Variants in RPTOR observed in about 807,000 individuals in gnomAD.
The protein encoded by RPTOR is regulatory associated protein of MTOR complex 1.
RPTOR carries 21 observed loss-of-function variants against 169.9 expected under a neutral mutation model. That is an observed-to-expected ratio of 0.12 (90% CI 0.09 to 0.18). The LOEUF (loss-of-function observed/expected upper bound fraction) is 0.18. Ranked by LOEUF, RPTOR falls within the 10% of genes least tolerant of loss-of-function variation. The pLI is 1.00. For missense variants in RPTOR, 1,133 were observed against 1,855.9 expected (o/e 0.61, Z 7.16); for synonymous variants, 732 against 753.2 (o/e 0.97, Z 0.46).
intron 4 of RPTOR, among the ~76,000 whole-genome samples, chr17:80,718,018 C>T (rs1051333499): frequency 1.1e-4 from 16 of 152,180 alleles, no homozygotes; most frequent in Non-Finnish European, 2.1e-4. Context: ...AAAGGTTTTT[C>T]CCACTTGATA....
intron 7 of RPTOR, among the ~76,000 whole-genome samples, chr17:80,810,656 C>T (rs902127404): frequency 1.3e-5 from 2 of 152,178 alleles, no homozygotes; most frequent in Non-Finnish European, 2.9e-5. Flanking sequence ...ATCAGTTTAT[C>T]AGTTCTAACG....
At chr17:80,964,177 G>A in intron 33 of RPTOR, 85 bp from the exon 34 acceptor site, 1 of 1,126,484 alleles carries the variant, frequency 8.9e-7, no homozygotes, top group Non-Finnish European at 1.3e-6. Context: ...AGCTGCCTAA[G>A]GATGCGGGTT....
chr17:80,858,140 T>C, intron 13 of RPTOR: 1 of 537,198 alleles, frequency 1.9e-6, no homozygotes, highest in Non-Finnish European at 3.4e-6. Context: ...CTGCGCTCAG[T>C]CCCCCCACAC....
chr17:80,610,687 A>G (rs2065264124), intron 1 of RPTOR, among the ~76,000 whole-genome samples: 1 of 152,126 alleles, frequency 6.6e-6, no homozygotes, highest in African/African-American at 2.4e-5. Context: ...GATCTCCACG[A>G]CAGTAGACCC....
chr17:80,710,471 A>G (rs905371093), intron 4 of RPTOR, among the ~76,000 whole-genome samples: 2 of 152,172 alleles, frequency 1.3e-5, no homozygotes, highest in Admixed American at 1.3e-4. Context: ...TTTGTAAAAC[A>G]AAAACAATCA....
At chr17:80,920,366 G>GA (rs2068730571) in intron 21 of RPTOR, among the ~76,000 whole-genome samples, 1 of 152,180 alleles carries the variant, frequency 6.6e-6, no homozygotes, top group Admixed American at 6.5e-5. Flanking sequence ...AATGGGGGTG[G>GA]GGGGGGCTCC....
intron 6 of RPTOR, chr17:80,773,873 C>T (rs1385765920): frequency 1.0e-6 from 1 of 985,230 alleles, no homozygotes; most frequent in Non-Finnish European, 1.2e-6. Context: ...TCAGAGCTCC[C>T]TCAGACGTCG....
intron 33 of RPTOR, among the ~76,000 whole-genome samples, chr17:80,963,258 C>T (rs543667278): frequency 6.6e-6 from 1 of 152,178 alleles, no homozygotes; most frequent in South Asian, 2.1e-4. Flanking sequence ...AAGCAGAGCC[C>T]CAGTCCCGTC....
chr17:80,713,053 C>T (rs1186634632), intron 4 of RPTOR, among the ~76,000 whole-genome samples: 1 of 152,052 alleles, frequency 6.6e-6, no homozygotes, highest in Non-Finnish European at 1.5e-5. Flanking sequence ...TTCCATATTT[C>T]AGATGCCAGT....
At chr17:80,601,061 T>C (rs978416879) in intron 1 of RPTOR, among the ~76,000 whole-genome samples, 9 of 152,156 alleles carry the variant, frequency 5.9e-5, no homozygotes, top group African/African-American at 2.2e-4. Context: ...GAGGACGACA[T>C]ACCGTTCACC....
At chr17:80,819,074 C>CT (rs569428319) in intron 7 of RPTOR, among the ~76,000 whole-genome samples, 10 of 152,170 alleles carry the variant, frequency 6.6e-5, no homozygotes, top group Non-Finnish European at 1.0e-4. Flanking sequence ...GGCAAATGGT[C>CT]TGTCTGTGCT....
chr17:80,836,274 T>C (rs1247268268), intron 9 of RPTOR, among the ~76,000 whole-genome samples: 1 of 152,220 alleles, frequency 6.6e-6, no homozygotes, highest in African/African-American at 2.4e-5. Flanking sequence ...CCTCTCTCCT[T>C]CTCGAAAGTC....
At chr17:80,790,385 C>T (rs1463166433) in intron 6 of RPTOR, among the ~76,000 whole-genome samples, 2 of 152,180 alleles carry the variant, frequency 1.3e-5, no homozygotes, top group Non-Finnish European at 2.9e-5. Context: ...GCATGGGGTC[C>T]AGGATGACCA....
chr17:80,829,616 C>T (rs886876061), intron 9 of RPTOR, among the ~76,000 whole-genome samples: 9 of 152,278 alleles, frequency 5.9e-5, no homozygotes, highest in African/African-American at 2.2e-4. Context: ...CTCGGTGCCT[C>T]GGCTCCCAGC....
At chr17:80,699,175 G>A (rs1054204570) in intron 3 of RPTOR, among the ~76,000 whole-genome samples, 9 of 152,266 alleles carry the variant, frequency 5.9e-5, no homozygotes, top group African/African-American at 2.2e-4. Context: ...AGCTTTCTCT[G>A]GAGAAGCTCA....
At chr17:80,628,101 G>A (rs2065410255) in intron 2 of RPTOR, among the ~76,000 whole-genome samples, 1 of 152,122 alleles carries the variant, frequency 6.6e-6, no homozygotes, top group Non-Finnish European at 1.5e-5. Context: ...GCCTCCCAAA[G>A]TGCTGGGATT....
intron 3 of RPTOR, among the ~76,000 whole-genome samples, chr17:80,676,962 A>C (rs2065865533): frequency 6.6e-6 from 1 of 152,156 alleles, no homozygotes; most frequent in African/African-American, 2.4e-5. Flanking sequence ...AGTTTCAGGT[A>C]GATCCCGGAA....
At chr17:80,893,476 C>A (rs4555209) in intron 19 of RPTOR, among the ~76,000 whole-genome samples, 2 of 69,182 alleles carry the variant, frequency 2.9e-5, no homozygotes, top group African/African-American at 1.2e-4. Flanking sequence ...TGTGTCTGTA[C>A]GCGCCAGGGT....
chr17:80,560,503 G>A (rs765526053), intron 1 of RPTOR, among the ~76,000 whole-genome samples: 2 of 152,168 alleles, frequency 1.3e-5, no homozygotes, highest in African/African-American at 4.8e-5. Flanking sequence ...GGTGGTGGTG[G>A]CTGGATGGGC....
Sources: allele counts gnomAD v4.1 joint callset (sites outside exome capture counted in the v4.1 genomes callset), GRCh38; gene constraint gnomAD v4.1.1; transcripts MANE v1.5; gene names NCBI Gene and HGNC (gene_info 2026-07-23, HGNC 2026-07-21).